Variants in FAM184A observed in about 807,000 individuals in gnomAD.
The protein encoded by FAM184A is family with sequence similarity 184 member A.
In FAM184A, 99 loss-of-function variants were observed where a neutral mutation model predicts 143.8. The observed-to-expected ratio is 0.69, with a 90% CI of 0.58 to 0.81. The LOEUF is 0.81. Among genes scored for constraint, FAM184A ranks in the 40% least tolerant of loss-of-function variants. FAM184A has a pLI of 0.00. For synonymous variants in FAM184A, 427 were observed against 446.4 expected, an observed-to-expected ratio of 0.96 and a Z score of 0.55; for missense variants, 1,217 against 1,310.5, an observed-to-expected ratio of 0.93 and a Z score of 1.10.
chr6:119,020,533 A>G (rs897258910), intron 3 of FAM184A, among the ~76,000 whole-genome samples: 1 of 152,170 alleles, frequency 6.6e-6, no homozygotes, highest in Non-Finnish European at 1.5e-5. Flanking sequence ...AGAAGGACGG[A>G]GAGGATGCAC....
intron 1 of FAM184A, among the ~76,000 whole-genome samples, chr6:119,060,172 C>T (rs766932695): frequency 3.3e-5 from 5 of 152,114 alleles, no homozygotes; most frequent in African/African-American, 7.2e-5. Context: ...CCTAGATGAC[C>T]GTGTCATCTC....
At chr6:119,122,939 A>T (rs1191033684) in intron 1 of FAM184A, among the ~76,000 whole-genome samples, 1 of 37,466 alleles carries the variant, frequency 2.7e-5, no homozygotes, top group African/African-American at 7.2e-5. Flanking sequence ...AAAAAAAAAA[A>T]AAAAAAAAAA....
At chr6:119,052,585 G>T (rs1786807991) in intron 1 of FAM184A, among the ~76,000 whole-genome samples, 1 of 152,148 alleles carries the variant, frequency 6.6e-6, no homozygotes, top group Non-Finnish European at 1.5e-5. Context: ...GCAGCCTGCC[G>T]ATGGTTTCCC....
At chr6:119,008,585 T>A (rs1466204380) in intron 6 of FAM184A, among the ~76,000 whole-genome samples, 3 of 151,930 alleles carry the variant, frequency 2.0e-5, no homozygotes, top group African/African-American at 7.3e-5. Context: ...AGTCAATAAA[T>A]TTTTTTTTCT....
chr6:119,028,925 A>G (rs907257806), intron 1 of FAM184A, among the ~76,000 whole-genome samples: 1 of 152,196 alleles, frequency 6.6e-6, no homozygotes, highest in Admixed American at 6.5e-5. Flanking sequence ...GGTGTCCACT[A>G]GAGAACTGGT....
chr6:119,078,405 G>C lies in FAM184A; in HGVS notation c.-106C>G, dbSNP rs1025635324. On this transcript the variant is annotated 5_prime_UTR_variant, in exon 1 of 18. Coordinates refer to ENST00000338891, the MANE Select transcript of FAM184A (RefSeq NM_024581.6). The surrounding 1 kb of genome is among the most constrained non-coding windows in gnomAD (Gnocchi z 5.5). ...AGTCGCGGCGGCCGCTTCCCGACCC[G>C]ACACCCGGCGCCCCCCAGACTCGGC... The C allele has an allele frequency of 1.8e-5, 21 of 1,157,274 alleles. No individual in the cohort carries two copies. The East Asian group carries it at 5.1e-4, about 28-fold the overall frequency. 71.7% of individuals were successfully genotyped at this position (1,157,274 alleles called of 1,614,324 possible). A position where few individuals can be genotyped will look rare whatever the true frequency, so the allele number is the denominator to read the frequency against.
At chr6:119,111,451 G>A (rs557030347) in intron 1 of FAM184A, among the ~76,000 whole-genome samples, 1 of 152,296 alleles carries the variant, frequency 6.6e-6, no homozygotes, top group African/African-American at 2.4e-5. Context: ...GGTGATGGTT[G>A]CACAAAAATG....
At chr6:119,024,916 A>C in intron 1 of FAM184A, 103 bp from the exon 2 acceptor site, 1 of 1,097,434 alleles carries the variant, frequency 9.1e-7, no homozygotes, top group Non-Finnish European at 1.3e-6. Context: ...TATGCACATA[A>C]TATTGGCTAC....
intron 1 of FAM184A, among the ~76,000 whole-genome samples, chr6:119,097,184 C>A (rs561901844): frequency 2.0e-5 from 3 of 152,176 alleles, no homozygotes; most frequent in Non-Finnish European, 2.9e-5. Context: ...TGCCTCATGA[C>A]TGGTTGTATT....
At chr6:119,035,541 A>G (rs1786076838) in intron 1 of FAM184A, among the ~76,000 whole-genome samples, 1 of 152,124 alleles carries the variant, frequency 6.6e-6, no homozygotes, top group Non-Finnish European at 1.5e-5. Context: ...GAAAATCTAC[A>G]TTGTGTGGAG....
chr6:119,048,733 C>T (rs183656139), intron 1 of FAM184A, among the ~76,000 whole-genome samples: 92 of 152,126 alleles, frequency 6.0e-4, no homozygotes, highest in African/African-American at 2.1e-3. Context: ...CTCATGGACA[C>T]AGAGAGTAGA....
rs539897160 is a variant in FAM184A, at chr6:119,071,514, C to G, written c.159+6627G>C. 1.5e-3 allele frequency among the ~76,000 whole-genome samples: 227 copies of G among 152,198 alleles called. 7 individuals are homozygous for G. The South Asian group carries it at 0.043, about 29-fold the overall frequency. ...TACAAAGTGACCAAGTCATAGTATA[C>G]AAAATATACAACCTATAAACCCAGA... On this transcript the variant is annotated intron_variant, in intron 1 of 17. Coordinates refer to ENST00000338891, the MANE Select transcript of FAM184A (RefSeq NM_024581.6).
chr6:119,123,151 G>T (rs1582635796), intron 1 of FAM184A, among the ~76,000 whole-genome samples: 1 of 152,000 alleles, frequency 6.6e-6, no homozygotes, highest in East Asian at 1.9e-4. Context: ...ACTTTGGGAA[G>T]TGGAGGTGGG....
rs116503391 is a variant in FAM184A, at chr6:118,970,580, G to A, written c.2916-3628C>T. On this transcript the variant is annotated intron_variant, in intron 14 of 17. Coordinates refer to ENST00000338891, the MANE Select transcript of FAM184A (RefSeq NM_024581.6). ...TAAAAATATTAAGAAAATAATATAC[G>A]TAGCCAGAAATGACCCAATTCCCAA... is the stretch of plus-strand genomic sequence containing the variant. 6.6e-3 allele frequency among the ~76,000 whole-genome samples: 996 copies of A among 152,024 alleles called. 8 individuals are homozygous for A. The highest frequency in any genetic ancestry group is 0.022 in the African/African-American group (905 of 41,472).
intron 14 of FAM184A, among the ~76,000 whole-genome samples, chr6:118,969,565 TTTTTC>T (rs2114550064): frequency 6.6e-6 from 1 of 152,286 alleles, no homozygotes; most frequent in African/African-American, 2.4e-5. Context: ...CTAGTCAATA[TTTTTC>T]TTTTCTTCAG....
intron 1 of FAM184A, among the ~76,000 whole-genome samples, chr6:119,035,678 C>T (rs1786082995): frequency 6.6e-6 from 1 of 152,058 alleles, no homozygotes; most frequent in African/African-American, 2.4e-5. Flanking sequence ...ATGATAAAAC[C>T]TTCGTCTCCA....
chr6:119,049,721 T>C (rs1278626490), intron 1 of FAM184A, among the ~76,000 whole-genome samples: 1 of 151,970 alleles, frequency 6.6e-6, no homozygotes, highest in East Asian at 1.9e-4. Context: ...AACCCAAAAC[T>C]ATAAAAACTC....
At chr6:119,047,311 G>C (rs968831553) in intron 1 of FAM184A, among the ~76,000 whole-genome samples, 1 of 152,088 alleles carries the variant, frequency 6.6e-6, no homozygotes, top group African/African-American at 2.4e-5. Context: ...CACTATGAAG[G>C]GCAGTTTGGA....
intron 9 of FAM184A, 60 bp downstream of exon 9, chr6:119,002,839 T>G: frequency 4.2e-6 from 6 of 1,412,248 alleles, no homozygotes; most frequent in Non-Finnish European, 4.7e-6. Context: ...TTTACAATAT[T>G]TGCCTAGCCA....
Sources: allele counts gnomAD v4.1 joint callset (sites outside exome capture counted in the v4.1 genomes callset), GRCh38; gene constraint gnomAD v4.1.1; non-coding constraint Gnocchi (gnomAD v3.1); transcripts MANE v1.5; gene names NCBI Gene and HGNC (gene_info 2026-07-23, HGNC 2026-07-21).